The following CASP2 variants were observed in gnomAD, a reference collection of about 807,000 sequenced individuals.
CASP2 encodes caspase-2.
In CASP2, 38 loss-of-function variants were observed where a neutral mutation model predicts 54.4. The observed-to-expected ratio is 0.70, with a 90% CI of 0.54 to 0.92. The LOEUF is 0.92. Among genes scored for constraint, CASP2 ranks in the 40% least tolerant of loss-of-function variants. The probability of loss-of-function intolerance (pLI) is 0.00; values close to 1 mark genes in which losing one functional copy is unlikely to be tolerated. For synonymous variants in CASP2, 215 were observed against 216.3 expected (o/e 0.99, Z 0.05); for missense variants, 512 against 579.6 (o/e 0.88, Z 1.20).
Position 143,292,289 on chromosome 7 carries a change from T to C in CASP2, c.226-11T>C. On this transcript the variant is annotated splice_polypyrimidine_tract_variant and intron_variant, in intron 2 of 10. Coordinates refer to ENST00000310447, the MANE Select transcript of CASP2 (RefSeq NM_032982.4). ...GTAAATATGATTTCATGTTTTATTC[T>C]TGTGTCTTAGGCCAAAGTGGGCAGT... is the stretch of plus-strand genomic sequence containing the variant. 1 of 1,613,886 alleles carries C rather than the reference T, an allele frequency of 6.2e-7. No individual in the cohort carries two copies. The highest frequency in any genetic ancestry group is 1.1e-5 in the South Asian group (1 of 91,070).
chr7:143,290,667 AG>A (rs766525140), intron 1 of CASP2: 3 of 152,452 alleles, frequency 2.0e-5, no homozygotes, highest in Non-Finnish European at 2.9e-5. Flanking sequence ...AGGCTGAGGC[AG>A]GTGGATCGCT....
At chr7:143,303,154 T>A (rs1341927798) in intron 8 of CASP2, 2 of 151,946 alleles carry the variant, frequency 1.3e-5, no homozygotes, top group East Asian at 1.9e-4. Context: ...AAATTAAAAA[T>A]TTTTTTTCTT....
Position 143,303,807 on chromosome 7 carries a change from C to G in CASP2, c.991C>G (p.Gln331Glu), listed in dbSNP as rs771213829. The change falls in exon 9 of 11, where the codon CAA becomes GAA. Residue 331 changes from glutamine (Q) to glutamate (E), a missense_variant. By Grantham distance (29) the Gln-to-Glu change is conservative. Around this residue, in one of 3 missense-constraint regions of CASP2, gnomAD observed 417 missense variants for 495.4 expected, o/e 0.84. Coordinates refer to ENST00000310447, the MANE Select transcript of CASP2 (RefSeq NM_032982.4). ...AGATGAGACTGATCGTGGGGTTGAC[C>G]AACAAGATGGAAAGAACCACGCAGG... ...RGDETDRGVD[Q>E]QDGKNHAGSP... 7.6e-5 allele frequency: 122 copies of G among 1,613,616 alleles called. No homozygotes were observed. Among genetic ancestry groups the G allele is most frequent in the South Asian group, 1.6e-4 (15 of 91,052 alleles).
intron 6 of CASP2, among the ~76,000 whole-genome samples, chr7:143,298,015 A>G (rs1332032597): frequency 1.3e-5 from 2 of 152,216 alleles, no homozygotes; most frequent in East Asian, 1.9e-4. Flanking sequence ...TTGCATCTCA[A>G]TTATCTACAA....
chr7:143,289,751 T>A (rs1255945448), intron 1 of CASP2: 2 of 290,126 alleles, frequency 6.9e-6, no homozygotes, highest in African/African-American at 4.6e-5. Flanking sequence ...TTTATTTGTA[T>A]AGCTCTTTTT....
intron 9 of CASP2, among the ~76,000 whole-genome samples, chr7:143,304,322 T>C (rs1002046215): frequency 3.3e-5 from 5 of 152,214 alleles, no homozygotes; most frequent in African/African-American, 1.2e-4. Flanking sequence ...TCTGTTAGCA[T>C]TTTTCAGCAA....
intron 1 of CASP2, 28 bp downstream of exon 1, chr7:143,288,557 T>G: frequency 1.3e-6 from 2 of 1,578,836 alleles, no homozygotes; most frequent in Non-Finnish European, 1.7e-6. Context: ...TTAGGGCTCC[T>G]TAGGGGAGCC....
In CASP2 at chr7:143,305,237, C is replaced by T; in HGVS notation, c.*166C>T. On this transcript the variant is annotated 3_prime_UTR_variant, in exon 11 of 11. Coordinates refer to ENST00000310447, the MANE Select transcript of CASP2 (RefSeq NM_032982.4). The stretch of plus-strand genomic sequence containing the variant: ...ATCATCTCTGCCTTTGAGTGTGGGA[C>T]TCCAGGCCAGCTCCTTTTCTGTGAA... 2.3e-6 allele frequency: 2 copies of T among 857,720 alleles called. No homozygotes were observed. Among genetic ancestry groups the T allele is most frequent in the Non-Finnish European group, 3.8e-6 (2 of 532,038 alleles). 53.1% of individuals were successfully genotyped at this position (857,720 alleles called of 1,614,324 possible).
chr7:143,288,510 G>A lies in CASP2; in HGVS notation c.55G>A (p.Ala19Thr), dbSNP rs145693200. The change falls in exon 1 of 11, where the codon GCC becomes ACC. Residue 19 changes from alanine to threonine, a missense_variant. Transcript: ENST00000310447. ...CACCTTCCAGCACAAGGAGCTGATG[G>A]CCGCTGACAGGGGACGCAGGTAAGT... ...WSTFQHKELM[A>T]ADRGRRILGV... 1.3e-4 allele frequency: 212 copies of A among 1,613,346 alleles called. No homozygotes were observed. In the African/African-American group the frequency reaches 2.5e-3, roughly 19 times the overall value.
intron 1 of CASP2, 70 bp downstream of exon 1, chr7:143,288,599 G>A: frequency 3.6e-6 from 5 of 1,378,152 alleles, no homozygotes; most frequent in South Asian, 3.6e-5. Flanking sequence ...CCAGGCGTGC[G>A]GCCCTGCAGC....
intron 4 of CASP2, 119 bp downstream of exon 4, chr7:143,292,817 C>T (rs1801617714): frequency 2.6e-6 from 2 of 771,858 alleles, no homozygotes; most frequent in South Asian, 2.8e-5. Flanking sequence ...TCGAGACCAG[C>T]CTGGCCAACA....
intron 3 of CASP2, 40 bp downstream of exon 3, chr7:143,292,507 G>A (rs1256815521): frequency 1.2e-6 from 2 of 1,612,366 alleles, no homozygotes; most frequent in Non-Finnish European, 1.7e-6. Context: ...GGAAGGGTTA[G>A]TTTGACTGGA....
intron 6 of CASP2, among the ~76,000 whole-genome samples, chr7:143,295,131 G>A (rs1354551157): frequency 2.0e-5 from 3 of 151,886 alleles, no homozygotes; most frequent in Non-Finnish European, 2.9e-5. Context: ...AGGTTCAAGC[G>A]ATTCTCCTGC....
chr7:143,299,464 A>T (rs1801850923), intron 6 of CASP2, among the ~76,000 whole-genome samples: 1 of 152,194 alleles, frequency 6.6e-6, no homozygotes, highest in Non-Finnish European at 1.5e-5. Flanking sequence ...AAGTATTGCT[A>T]TTCTCTACTA....
At position 143,288,452 on chromosome 7, in the gene CASP2, G is replaced by A. The variant is rs1429003863; in HGVS notation, c.-4G>A. ...CGCAGCGGAGAGCCCGGGAAAAGCG[G>A]GAAATGGCGGCGCCGAGCGCGGGGT... On this transcript the variant is annotated 5_prime_UTR_variant, in exon 1 of 11. Transcript: ENST00000310447. 1 of 1,612,828 alleles carries A rather than the reference G, an allele frequency of 6.2e-7. No individual in the cohort carries two copies. Among genetic ancestry groups the A allele is most frequent in the African/African-American group, 1.3e-5 (1 of 75,038 alleles).
Position 143,303,537 on chromosome 7 carries a change from G to A in CASP2, c.968-247G>A, listed in dbSNP as rs534984621. 1.2e-3 allele frequency: 525 copies of A among 438,776 alleles called. 11 individuals carry two copies. Among genetic ancestry groups the A allele is most frequent in the South Asian group, 0.011 (507 of 44,624 alleles). 27.2% of individuals were successfully genotyped at this position (438,776 alleles called of 1,614,324 possible). On this transcript the variant is annotated intron_variant, in intron 8 of 10. Coordinates refer to ENST00000310447, the MANE Select transcript of CASP2 (RefSeq NM_032982.4). ...ACACAGAATGGGAACTGCTCCAACCGCATAGATGTGCATGTGCTTGAGCGT... is the reference window on the plus strand; with the variant it reads ...ACACAGAATGGGAACTGCTCCAACCACATAGATGTGCATGTGCTTGAGCGT...
rs927614481 is a variant in CASP2 at position 143,295,608 on chromosome 7, T to A, written c.747+835T>A. Among the ~76,000 whole-genome samples the A allele has an allele frequency of 4.7e-4, 71 of 152,376 alleles. 1 individual carries two copies. Among genetic ancestry groups the A allele is most frequent in the Admixed American group, 4.3e-3 (66 of 15,308 alleles). On this transcript the variant is annotated intron_variant, in intron 6 of 10. Coordinates refer to ENST00000310447, the MANE Select transcript of CASP2 (RefSeq NM_032982.4). ...TGGTGAAATTAAAATTGCTAGGAGA[T>A]TCACTTTGATCTGTTGGGATAGAGG...
At position 143,305,395 on chromosome 7, in the gene CASP2, T is replaced by C; in HGVS notation, c.*324T>C. 5 of 431,090 alleles carry C rather than the reference T, an allele frequency of 1.2e-5. No homozygotes were observed. The highest frequency in any genetic ancestry group is 1.7e-5 in the Non-Finnish European group (4 of 230,122). The allele number at this position is 431,090 out of a possible 1,614,324, so 26.7% of individuals were successfully genotyped here. A position where few individuals can be genotyped will look rare whatever the true frequency, so the allele number is the denominator to read the frequency against. ...AGAGGGCATATAAATTCCCCATATT[T>C]GTGTTCAGTTCCAGCTTTTGTAGAT... On this transcript the variant is annotated 3_prime_UTR_variant, in exon 11 of 11. Coordinates refer to ENST00000310447, the MANE Select transcript of CASP2 (RefSeq NM_032982.4).
Position 143,300,262 on chromosome 7 carries a change from CA to C in CASP2, c.940del (p.Met314CysfsTer43), listed in dbSNP as rs767441689. On this transcript the variant is annotated frameshift_variant, in exon 8 of 11. Transcript: ENST00000310447. LOFTEE classifies it high-confidence loss of function. ...AACTGCCCAAGCCTACAGAACAAACCAAAAATGTTCTTCATCCAGGCCTGCC... is the reference window on the plus strand; with the variant it reads ...AACTGCCCAAGCCTACAGAACAAACCAAAATGTTCTTCATCCAGGCCTGCC... ...NANCPSLQNK[P>X]KMFFIQACRG... The C allele has an allele frequency of 6.2e-7, 1 of 1,614,106 alleles. No individual in the cohort carries two copies. Among genetic ancestry groups the C allele is most frequent in the African/African-American group, 1.3e-5 (1 of 75,050 alleles).
Sources: allele counts gnomAD v4.1 joint callset (sites outside exome capture counted in the v4.1 genomes callset), GRCh38; gene constraint gnomAD v4.1.1; regional missense constraint gnomAD v4.1.1; transcripts MANE v1.5; gene names NCBI Gene and HGNC (gene_info 2026-07-23, HGNC 2026-07-21).